The following OPCML variants were observed in gnomAD, a reference collection of about 807,000 sequenced individuals.
OPCML encodes opioid-binding protein/cell adhesion molecule.
A neutral mutation model predicts 37.8 loss-of-function variants in OPCML; 13 were observed. The ratio of observed to expected loss-of-function variants is 0.34; its 90% CI spans 0.22 to 0.55. The LOEUF (loss-of-function observed/expected upper bound fraction) is 0.55, where lower values mean the gene tolerates loss of function less well. OPCML is among the 20% of genes least tolerant of loss of function. The pLI is 0.91. For missense variants in OPCML, 341 were observed against 435.6 expected (o/e 0.78, Z 1.93); for synonymous variants, 176 against 168.8 (o/e 1.04, Z -0.33).
chr11:133,241,203 C>G (rs1940718722), intron 1 of OPCML, among the ~76,000 whole-genome samples: 1 of 152,236 alleles, frequency 6.6e-6, no homozygotes, highest in Non-Finnish European at 1.5e-5. Context: ...ACTCTTGTAA[C>G]ATCCAATGCT....
chr11:133,420,460 C>G, intron 1 of OPCML: 1 of 985,336 alleles, frequency 1.0e-6, no homozygotes. Flanking sequence ...TTGTTTTCCT[C>G]TCGTATGCTT....
At chr11:132,609,039 G>A (rs1451441270) in intron 3 of OPCML, among the ~76,000 whole-genome samples, 2 of 151,946 alleles carry the variant, frequency 1.3e-5, no homozygotes, top group East Asian at 3.9e-4. Context: ...CTATGATGCA[G>A]GCCTTCTTTC....
intron 2 of OPCML, among the ~76,000 whole-genome samples, chr11:132,875,033 TA>T (rs1229046364): frequency 6.6e-6 from 1 of 152,204 alleles, no homozygotes; most frequent in Non-Finnish European, 1.5e-5. Context: ...TCTAAAAATA[TA>T]ATCTACGCAA....
At chr11:132,931,196 C>A (rs1336458649) in intron 2 of OPCML, among the ~76,000 whole-genome samples, 1 of 150,878 alleles carries the variant, frequency 6.6e-6, no homozygotes, top group Non-Finnish European at 1.5e-5. Context: ...AACATAAGAG[C>A]TAAAACTATT....
chr11:133,454,587 C>T (rs940552038), intron 1 of OPCML, among the ~76,000 whole-genome samples: 12 of 152,068 alleles, frequency 7.9e-5, no homozygotes, highest in Non-Finnish European at 2.9e-5. Flanking sequence ...CTGATCTATG[C>T]AATTTGTCTT....
chr11:132,817,923 A>G (rs2136239719), intron 2 of OPCML, among the ~76,000 whole-genome samples: 1 of 152,330 alleles, frequency 6.6e-6, no homozygotes, highest in African/African-American at 2.4e-5. Context: ...TATCACCAAG[A>G]CGTTATGAAG....
At chr11:133,417,681 G>T (rs1945798600) in intron 1 of OPCML, among the ~76,000 whole-genome samples, 1 of 144,902 alleles carries the variant, frequency 6.9e-6, no homozygotes, top group South Asian at 2.1e-4. Flanking sequence ...TCCCCTTCCT[G>T]TGTCCATGTG....
intron 2 of OPCML, among the ~76,000 whole-genome samples, chr11:132,803,670 G>A (rs570099355): frequency 3.3e-5 from 5 of 152,296 alleles, no homozygotes; most frequent in Admixed American, 3.3e-4. Flanking sequence ...CCCTTGCTTA[G>A]TCACTACCCA....
intron 1 of OPCML, among the ~76,000 whole-genome samples, chr11:133,104,320 G>A (rs973138431): frequency 9.2e-5 from 14 of 152,158 alleles, no homozygotes; most frequent in African/African-American, 2.7e-4. Flanking sequence ...TCATTAGACC[G>A]AAAGGCATGA....
At position 132,638,163 on chromosome 11, in the gene OPCML, CTA is replaced by C. The variant is rs71905540; in HGVS notation, c.379+18922_379+18923del. Among the ~76,000 whole-genome samples, 239 of 128,240 alleles carry C rather than the reference CTA, an allele frequency of 1.9e-3. 4 individuals carry two copies. Among genetic ancestry groups the C allele is most frequent in the Non-Finnish European group, 2.9e-3 (167 of 58,518 alleles). The allele number at this position is 128,240 out of a possible 152,430, so 84.1% of individuals were successfully genotyped here. ...GAAAGCTAAAGAGCATATATACAGACTATATATATATATATATATATATACAG... is the reference window on the plus strand; with the variant it reads ...GAAAGCTAAAGAGCATATATACAGACTATATATATATATATATATATACAG... On this transcript the variant is annotated intron_variant, in intron 3 of 7. Coordinates refer to ENST00000524381, the MANE Select transcript of OPCML (RefSeq NM_001012393.5).
At position 133,286,179 on chromosome 11, in the gene OPCML, G is replaced by A. The variant is rs111543255; in HGVS notation, c.61+246085C>T. Among the ~76,000 whole-genome samples the A allele has an allele frequency of 2.6e-3, 394 of 152,146 alleles. 2 individuals carry two copies. Among genetic ancestry groups the A allele is most frequent in the African/African-American group, 8.4e-3 (349 of 41,502 alleles). On this transcript the variant is annotated intron_variant, in intron 1 of 7. Coordinates refer to ENST00000524381, the MANE Select transcript of OPCML (RefSeq NM_001012393.5). ...GAAAAGTATTCACCTTGCTGGGCGC[G>A]GTGGCTCACGCCTGCAATTCCAGCA...
At chr11:133,499,806 G>GTA (rs1263250736) in intron 1 of OPCML, among the ~76,000 whole-genome samples, 2 of 137,722 alleles carry the variant, frequency 1.5e-5, no homozygotes, top group Admixed American at 7.3e-5. Context: ...ATATATGTGT[G>GTA]TGTATATATA....
intron 1 of OPCML, among the ~76,000 whole-genome samples, chr11:133,342,077 T>C (rs1943882715): frequency 1.3e-5 from 2 of 152,094 alleles, no homozygotes; most frequent in Non-Finnish European, 2.9e-5. Context: ...AATGTGTTTC[T>C]AGGGGAGGCA....
chr11:133,064,342 G>GCCGCCTTC (rs1948403370), intron 1 of OPCML, among the ~76,000 whole-genome samples: 1 of 152,210 alleles, frequency 6.6e-6, no homozygotes, highest in Non-Finnish European at 1.5e-5. Flanking sequence ...AACCCGCCTG[G>GCCGCCTTC]CCGCCTTCCC....
intron 2 of OPCML, among the ~76,000 whole-genome samples, chr11:132,815,380 C>T (rs570977298): frequency 1.3e-5 from 2 of 152,242 alleles, no homozygotes; most frequent in African/African-American, 4.8e-5. Flanking sequence ...TGGGAAGGGG[C>T]TACACAAACA....
chr11:132,535,757 A>T (rs2096338954), intron 3 of OPCML, among the ~76,000 whole-genome samples: 1 of 152,096 alleles, frequency 6.6e-6, no homozygotes, highest in South Asian at 2.1e-4. Context: ...CTTCAGCTGG[A>T]TGCCTGTGTG....
chr11:132,528,461 C>T (rs1036477272), intron 4 of OPCML, among the ~76,000 whole-genome samples: 3 of 152,212 alleles, frequency 2.0e-5, no homozygotes, highest in Non-Finnish European at 4.4e-5. Flanking sequence ...GCAAGCCCCA[C>T]TGTCCTTCTG....
At chr11:133,495,548 C>T (rs1461713418) in intron 1 of OPCML, among the ~76,000 whole-genome samples, 1 of 152,048 alleles carries the variant, frequency 6.6e-6, no homozygotes, top group Admixed American at 6.5e-5. Flanking sequence ...CTGATCACCG[C>T]ATCCACACCA....
At chr11:132,583,935 G>C (rs770256715) in intron 3 of OPCML, among the ~76,000 whole-genome samples, 1 of 151,942 alleles carries the variant, frequency 6.6e-6, no homozygotes, top group African/African-American at 2.4e-5. Flanking sequence ...TTTTTTTATA[G>C]TTCACCAATA....
Sources: gnomAD v4.1 joint callset for allele counts (sites outside exome capture counted in the v4.1 genomes callset) on GRCh38, gnomAD v4.1.1 for gene constraint, MANE v1.5 for transcripts, NCBI Gene and HGNC (gene_info 2026-07-23, HGNC 2026-07-21) for gene names.